The following INO80 variants were observed in gnomAD, a reference collection of about 807,000 sequenced individuals.
The protein encoded by INO80 is chromatin-remodeling ATPase INO80.
INO80 carries 20 observed loss-of-function variants against 203.4 expected under a neutral mutation model. The observed-to-expected ratio is 0.10, with a 90% CI of 0.07 to 0.14. The LOEUF is 0.14. INO80 is among the 10% of genes least tolerant of loss of function. The pLI is 1.00. For missense variants in INO80, 1,419 were observed against 1,914.4 expected (o/e 0.74, Z 4.83); for synonymous variants, 726 against 685.2 (o/e 1.06, Z -0.93).
At chr15:41,112,422 A>G (rs2045970493) in intron 1 of INO80, among the ~76,000 whole-genome samples, 1 of 152,198 alleles carries the variant, frequency 6.6e-6, no homozygotes. Context: ...ATTAGTGCCT[A>G]TGCCCTTCTC....
chr15:41,019,810 G>A (rs2044262680), intron 26 of INO80, among the ~76,000 whole-genome samples: 1 of 152,340 alleles, frequency 6.6e-6, no homozygotes, highest in Middle Eastern at 3.4e-3. Context: ...ACTTGACAAA[G>A]TTAAAATAAA....
chr15:40,997,247 C>T (rs995027355), intron 29 of INO80, among the ~76,000 whole-genome samples: 1 of 152,076 alleles, frequency 6.6e-6, no homozygotes, highest in Non-Finnish European at 1.5e-5. Flanking sequence ...CACTGCACTC[C>T]AGCCTGGGCA....
intron 19 of INO80, among the ~76,000 whole-genome samples, chr15:41,051,764 C>T (rs1215448827): frequency 6.6e-6 from 1 of 152,006 alleles, no homozygotes; most frequent in Non-Finnish European, 1.5e-5. Flanking sequence ...ACCATCCTGG[C>T]CAACCAACAT....
rs148994443 is a variant in INO80, at chr15:41,053,902, T to G, written c.2274+27A>C. Reference sequence around the variant, plus strand: ...TCTTAAGTTGGTGCCTATTGAGGCTTAAACACATGAGGTCTTCTTTACTTA... The same window carrying G: ...TCTTAAGTTGGTGCCTATTGAGGCTGAAACACATGAGGTCTTCTTTACTTA... On this transcript the variant is annotated intron_variant, in intron 19 of 35. Coordinates refer to ENST00000648947, the MANE Select transcript of INO80 (RefSeq NM_017553.3). The G allele has an allele frequency of 1.1e-5, 17 of 1,577,082 alleles. No individual in the cohort carries two copies. The African/African-American group carries it at 2.3e-4, about 21-fold the overall frequency.
At chr15:41,015,940 G>C (rs1305334449) in intron 27 of INO80, 148 bp downstream of exon 27, 5 of 614,242 alleles carry the variant, frequency 8.1e-6, no homozygotes, top group Non-Finnish European at 1.4e-5. Context: ...GTGAGACTCT[G>C]TCTCAAAAAA....
intron 9 of INO80, among the ~76,000 whole-genome samples, chr15:41,077,196 C>CTG (rs2045416825): frequency 6.7e-6 from 1 of 148,612 alleles, no homozygotes; most frequent in Admixed American, 6.7e-5. Context: ...CGTGAGCCAC[C>CTG]GCGCCCAGCC....
chr15:41,088,410 T>C (rs922230395), intron 5 of INO80, among the ~76,000 whole-genome samples: 1 of 152,112 alleles, frequency 6.6e-6, no homozygotes, highest in Non-Finnish European at 1.5e-5. Context: ...TGGCCCTTCA[T>C]GCTTGCTTTT....
chr15:41,038,401 C>T (rs1195941124), intron 24 of INO80, among the ~76,000 whole-genome samples: 1 of 151,332 alleles, frequency 6.6e-6, no homozygotes, highest in Non-Finnish European at 1.5e-5. Context: ...AAATACCTTA[C>T]TTTTTAACTG....
At chr15:41,007,178 T>TTC (rs1169123807) in intron 27 of INO80, among the ~76,000 whole-genome samples, 5 of 120,768 alleles carry the variant, frequency 4.1e-5, no homozygotes, top group African/African-American at 1.8e-4. Context: ...CTTTTTTTTT[T>TTC]TTTCTTTTTT....
intron 1 of INO80, among the ~76,000 whole-genome samples, chr15:41,098,015 G>C (rs184736657): frequency 4.6e-5 from 7 of 152,062 alleles, no homozygotes; most frequent in Admixed American, 3.3e-4. Flanking sequence ...TATTTGTGGC[G>C]GTTTTTTTGT....
In INO80 at chr15:40,997,605, C is replaced by G. The variant is rs1350275351; in HGVS notation, c.3498-4G>C. The G allele has an allele frequency of 1.2e-6, 2 of 1,604,058 alleles. No individual in the cohort carries two copies. Among genetic ancestry groups the G allele is most frequent in the African/African-American group, 2.7e-5 (2 of 74,684 alleles). On this transcript the variant is annotated splice_polypyrimidine_tract_variant and splice_region_variant and intron_variant, in intron 28 of 35. Coordinates refer to ENST00000648947, the MANE Select transcript of INO80 (RefSeq NM_017553.3). ...CAGGAACACAAAGATGTCATTCCTGCAGAAAAGGGAGAGATATGTTAAAGG... is the reference window on the plus strand; with the variant it reads ...CAGGAACACAAAGATGTCATTCCTGGAGAAAAGGGAGAGATATGTTAAAGG...
chr15:41,069,307 C>T (rs2045274504), intron 14 of INO80, among the ~76,000 whole-genome samples: 1 of 151,614 alleles, frequency 6.6e-6, no homozygotes, highest in Non-Finnish European at 1.5e-5. Context: ...GCTGGGACTA[C>T]AGACACATGG....
In INO80 at chr15:40,985,355, C is replaced by T. The variant is rs759863923; in HGVS notation, c.3904G>A (p.Glu1302Lys). Residue 1302 changes from glutamate (E) to lysine (K), a missense_variant, in exon 32 of 36, where the codon GAA becomes AAA. Transcript: ENST00000648947. ...GGAAATACCTTCTCTGCATACTTTTCCCGCTTCCGCTTGCGCTCTTTCACT... is the reference window on the plus strand; with the variant it reads ...GGAAATACCTTCTCTGCATACTTTTTCCGCTTCCGCTTGCGCTCTTTCACT... The part of the protein sequence containing the change: ...NRVKERKRKR[E>K]KYAEKKKKED... 2 of 1,613,760 alleles carry T rather than the reference C, an allele frequency of 1.2e-6. No individual in the cohort carries two copies. Among genetic ancestry groups the T allele is most frequent in the Admixed American group, 1.7e-5 (1 of 60,004 alleles).
intron 7 of INO80, among the ~76,000 whole-genome samples, chr15:41,084,056 T>TA (rs1158940354): frequency 3.3e-5 from 5 of 152,100 alleles, no homozygotes; most frequent in Non-Finnish European, 5.9e-5. Context: ...ATCCCGTTTC[T>TA]AAAAAAAATC....
Position 41,099,282 on chromosome 15 carries a change from C to T in INO80, c.-43-2929G>A, listed in dbSNP as rs1430595260. ...AAAAAAAAAAACAAACACACACACACACACACAACAAGAGAGTGAGAGAGA... is the reference window on the plus strand; with the variant it reads ...AAAAAAAAAAACAAACACACACACATACACACAACAAGAGAGTGAGAGAGA... On this transcript the variant is annotated intron_variant, in intron 1 of 35. Coordinates refer to ENST00000648947, the MANE Select transcript of INO80 (RefSeq NM_017553.3). 7.1e-5 allele frequency among the ~76,000 whole-genome samples: 9 copies of T among 126,548 alleles called. No homozygotes were observed. The East Asian group carries it at 1.8e-3, about 25-fold the overall frequency. The allele number at this position is 126,548 out of a possible 152,430, so 83.0% of individuals were successfully genotyped here.
intron 14 of INO80, among the ~76,000 whole-genome samples, chr15:41,060,557 GA>G (rs79579916): frequency 1.9e-4 from 26 of 135,576 alleles, no homozygotes; most frequent in South Asian, 4.6e-4. Flanking sequence ...TTTGTCTCAG[GA>G]AAAAAAAAAA....
At chr15:40,986,287 A>G (rs1224844753) in intron 31 of INO80, among the ~76,000 whole-genome samples, 1 of 149,314 alleles carries the variant, frequency 6.7e-6, no homozygotes, top group Non-Finnish European at 1.5e-5. Context: ...TTTAAAATAC[A>G]CACAAATTTT....
At chr15:41,041,380 G>A (rs536083858) in intron 24 of INO80, among the ~76,000 whole-genome samples, 12 of 151,412 alleles carry the variant, frequency 7.9e-5, no homozygotes, top group African/African-American at 2.4e-4. Context: ...AATGAGCCAC[G>A]ATGCCTAGCC....
At chr15:41,037,215 T>C (rs1275101096) in intron 24 of INO80, among the ~76,000 whole-genome samples, 5 of 151,488 alleles carry the variant, frequency 3.3e-5, no homozygotes, top group Admixed American at 6.6e-5. Flanking sequence ...TTTTTTTTAA[T>C]GTTAAGCTTA....
Sources: allele counts gnomAD v4.1 joint callset (sites outside exome capture counted in the v4.1 genomes callset), GRCh38; gene constraint gnomAD v4.1.1; transcripts MANE v1.5; gene names NCBI Gene and HGNC (gene_info 2026-07-23, HGNC 2026-07-21).